The following FLNC variants were observed in gnomAD, a reference collection of about 807,000 sequenced individuals.
FLNC encodes filamin-C.
Under a neutral mutation model 254.3 loss-of-function variants are expected in FLNC, and 91 were observed. That is an observed-to-expected ratio of 0.36 (90% CI 0.30 to 0.43). FLNC has a LOEUF of 0.43. Ranked by LOEUF, FLNC falls within the 20% of genes least tolerant of loss-of-function variation. The pLI, the probability that FLNC is intolerant of heterozygous loss-of-function variation, is 1.00. For synonymous variants in FLNC, 1,430 were observed against 1,577.2 expected (o/e 0.91, Z 2.21); for missense variants, 2,853 against 3,802.6 (o/e 0.75, Z 6.57).
rs1562988859 is a variant in FLNC at position 128,830,734 on chromosome 7, C to T, written c.97C>T (p.Pro33Ser). 1 of 1,613,008 alleles carries T rather than the reference C, an allele frequency of 6.2e-7. No individual in the cohort carries two copies. Among genetic ancestry groups the T allele is most frequent in the Non-Finnish European group, 8.5e-7 (1 of 1,179,980 alleles). ...STEKDLAEDA[P>S]WKKIQQNTFT... ...GGAGAAGGACCTGGCGGAGGACGCG[C>T]CGTGGAAGAAGATCCAGCAGAACAC... The change falls in exon 1 of 48, where the codon CCG becomes TCG. Residue 33 changes from proline (P) to serine (S), a missense_variant. Around this residue, in one of 10 missense-constraint regions of FLNC, gnomAD observed 13 missense variants for 37.8 expected, o/e 0.34. Coordinates refer to ENST00000325888, the MANE Select transcript of FLNC (RefSeq NM_001458.5).
At position 128,844,672 on chromosome 7, in the gene FLNC, C is replaced by T. The variant is rs753825183; in HGVS notation, c.3207C>T (p.Gly1069=). Residue 1069 remains glycine (G), a synonymous_variant, in exon 21 of 48, where the codon GGC becomes GGT. Transcript: ENST00000325888. ...PPDPSKVCAY[G]PGLKGGLVGT... Reference sequence around the variant, plus strand: ...TCTTCCCCTAGGTCTGTGCTTATGGCCCGGGTCTCAAGGGTGGACTGGTAG... The same window carrying T: ...TCTTCCCCTAGGTCTGTGCTTATGGTCCGGGTCTCAAGGGTGGACTGGTAG... 8.1e-6 allele frequency: 13 copies of T among 1,612,376 alleles called. No homozygotes were observed. The highest frequency in any genetic ancestry group is 1.3e-5 in the African/African-American group (1 of 74,922).
rs747802743 is a variant in FLNC at position 128,842,798 on chromosome 7, C to A, written c.2394C>A (p.Asp798Glu). The change falls in exon 16 of 48, where the codon GAC becomes GAA. Residue 798 changes from aspartate (D) to glutamate (E), a missense_variant. Asp to Glu is a conservative substitution (Grantham distance 45, BLOSUM62 2). Transcript: ENST00000325888. This position sits in a 1 kb window ranked among gnomAD's most constrained non-coding sequence, Gnocchi z 5.4. ...TVDCSEAGQG[D>E]VSIGIKCAPG... ...GCAGTGCCCGCTTCTCTGCAGGCGA[C>A]GTGAGCATCGGCATCAAGTGCGCCC... 6.2e-7 allele frequency: 1 copy of A among 1,613,442 alleles called. No homozygotes were observed. The highest frequency in any genetic ancestry group is 1.3e-5 in the African/African-American group (1 of 74,932).
At position 128,858,593 on chromosome 7, in the gene FLNC, ACACAC is replaced by A; in HGVS notation, c.*71_*75del. ...ACACACATTACACACACACACACAC[ACACAC>A]AAATGTGCCACACCCAGACACGCAC... On this transcript the variant is annotated 3_prime_UTR_variant, in exon 48 of 48. Coordinates refer to ENST00000325888, the MANE Select transcript of FLNC (RefSeq NM_001458.5). This position sits in a 1 kb window ranked among gnomAD's most constrained non-coding sequence, Gnocchi z 6.7. 9.0e-7 allele frequency: 1 copy of A among 1,108,128 alleles called. No individual in the cohort carries two copies. The highest frequency in any genetic ancestry group is 1.4e-6 in the Non-Finnish European group (1 of 729,284). 68.6% of individuals were successfully genotyped at this position (1,108,128 alleles called of 1,614,324 possible).
intron 37 of FLNC, 93 bp downstream of exon 37, chr7:128,853,124 T>G: frequency 5.5e-6 from 7 of 1,283,896 alleles, no homozygotes; most frequent in African/African-American, 1.5e-5. Flanking sequence ...CCGCACTCTC[T>G]CCTCCCTGAA....
intron 1 of FLNC, 66 bp downstream of exon 1, chr7:128,831,055 G>A (rs1807868491): frequency 4.7e-6 from 7 of 1,491,012 alleles, no homozygotes; most frequent in Non-Finnish European, 6.4e-6. Flanking sequence ...CAGGGGCACA[G>A]GTGCGGGGTG....
chr7:128,849,121 C>T lies in FLNC; in HGVS notation c.4928-60C>T, dbSNP rs1164875663. On this transcript the variant is annotated intron_variant, in intron 28 of 47. Coordinates refer to ENST00000325888, the MANE Select transcript of FLNC (RefSeq NM_001458.5). ...CCCTGGCCCCTCCCTCCCTCACCCC[C>T]GCCCAATGCCCCAGCCCACGTTGAG... 13 of 1,587,404 alleles carry T rather than the reference C, an allele frequency of 8.2e-6. 1 individual carries two copies. In the South Asian group the frequency reaches 1.0e-4, roughly 12 times the overall value.
rs1356663455 is a variant in FLNC, at chr7:128,841,686, C to T, written c.2121+119C>T. ...AATGACAGCATCACAGAAGATCAGG[C>T]AGGACTGATACTCATGGGCCCATCA... On this transcript the variant is annotated intron_variant, in intron 13 of 47. Coordinates refer to ENST00000325888, the MANE Select transcript of FLNC (RefSeq NM_001458.5). This position sits in a 1 kb window ranked among gnomAD's most constrained non-coding sequence, Gnocchi z 4.3. 1.3e-5 allele frequency: 10 copies of T among 792,068 alleles called. No homozygotes were observed. The African/African-American group carries it at 1.7e-4, about 13-fold the overall frequency. 49.1% of individuals were successfully genotyped at this position (792,068 alleles called of 1,614,324 possible).
In FLNC at chr7:128,846,362, G is replaced by C. The variant is rs761944212; in HGVS notation, c.4026G>C (p.Val1342=). ...CTGTGCCCAAGAGCCCCTTCCGAGT[G>C]GGCGTGACCGAGGGCTGTGATCCCA... ...EVAVPKSPFR[V]GVTEGCDPTR... The change falls in exon 23 of 48, where the codon GTG becomes GTC. Residue 1342 remains valine (V), a synonymous_variant. Transcript: ENST00000325888. 2.5e-6 allele frequency: 4 copies of C among 1,613,264 alleles called. No individual in the cohort carries two copies. The highest frequency in any genetic ancestry group is 2.5e-6 in the Non-Finnish European group (3 of 1,180,018).
intron 1 of FLNC, among the ~76,000 whole-genome samples, chr7:128,833,684 T>TA (rs1359718382): frequency 6.6e-6 from 1 of 152,168 alleles, no homozygotes; most frequent in Non-Finnish European, 1.5e-5. Flanking sequence ...TTGCAAGAAG[T>TA]ACTTCTGGGC....
intron 26 of FLNC, among the ~76,000 whole-genome samples, 185 bp from the exon 27 acceptor site, chr7:128,848,376 T>A (rs985658331): frequency 4.0e-5 from 6 of 151,686 alleles, no homozygotes; most frequent in East Asian, 1.9e-4. Flanking sequence ...GTCGAGGGAG[T>A]CCCAGAGTGC....
Position 128,842,613 on chromosome 7 carries a change from G to T in FLNC, c.2304G>T (p.Lys768Asn). The T allele has an allele frequency of 6.5e-7, 1 of 1,550,250 alleles. No individual in the cohort carries two copies. Among genetic ancestry groups the T allele is most frequent in the Non-Finnish European group, 8.7e-7 (1 of 1,147,086 alleles). Residue 768 changes from lysine (K) to asparagine (N), a missense_variant, in exon 15 of 48, where the codon AAG becomes AAT. Physicochemically the swap from Lys to Asn is moderately conservative, Grantham distance 94. Around this residue, in one of 10 missense-constraint regions of FLNC, gnomAD observed 1,573 missense variants for 1,883.5 expected, o/e 0.84. Coordinates refer to ENST00000325888, the MANE Select transcript of FLNC (RefSeq NM_001458.5). This position sits in a 1 kb window ranked among gnomAD's most constrained non-coding sequence, Gnocchi z 5.4. Reference sequence around the variant, plus strand: ...AGGGCAGCCACCCCGAGCGGGTAAAGGTGTACGGCCCCGGAGTGGAGAAGA... The same window carrying T: ...AGGGCAGCCACCCCGAGCGGGTAAATGTGTACGGCCCCGGAGTGGAGAAGA... Reference protein sequence around the residue: ...VGEGSHPERVKVYGPGVEKTG... With the variant: ...VGEGSHPERVNVYGPGVEKTG...
At position 128,843,859 on chromosome 7, in the gene FLNC, A is replaced by C. The variant is rs1808443532; in HGVS notation, c.2875A>C (p.Asn959His). The C allele has an allele frequency of 6.2e-7, 1 of 1,613,750 alleles. No homozygotes were observed. The highest frequency in any genetic ancestry group is 1.3e-5 in the African/African-American group (1 of 74,904). Reference protein sequence around the residue: ...DPVPKSPFVVNVAPPLDLSKI... With the variant: ...DPVPKSPFVVHVAPPLDLSKI... ...TGTCCCCAAGAGCCCCTTTGTGGTG[A>C]ATGTGGCACCCCCGCTGGACCTCAG... The change falls in exon 19 of 48, where the codon AAT (asparagine) becomes CAT (histidine). Residue 959 changes from asparagine (N) to histidine (H), a missense_variant. Coordinates refer to ENST00000325888, the MANE Select transcript of FLNC (RefSeq NM_001458.5).
At chr7:128,831,161 G>A (rs1807876087) in intron 1 of FLNC, among the ~76,000 whole-genome samples, 172 bp downstream of exon 1, 1 of 152,260 alleles carries the variant, frequency 6.6e-6, no homozygotes, top group East Asian at 1.9e-4. Context: ...AAGGGCCATG[G>A]GCACTGCCTG....
At position 128,857,891 on chromosome 7, in the gene FLNC, G is replaced by T. The variant is rs2639141; in HGVS notation, c.7781-117G>T. ...GGCCCTTGGAGGAATTTGAGGGGGA[G>T]CCTCAAATGCAGGCAGTGAGTCCCA... On this transcript the variant is annotated intron_variant, in intron 46 of 47. Coordinates refer to ENST00000325888, the MANE Select transcript of FLNC (RefSeq NM_001458.5). The surrounding 1 kb of genome is among the most constrained non-coding windows in gnomAD (Gnocchi z 4.5). The T allele has an allele frequency of 1.3e-6, 1 of 766,438 alleles. No homozygotes were observed. The highest frequency in any genetic ancestry group is 2.3e-6 in the Non-Finnish European group (1 of 439,014). The allele number at this position is 766,438 out of a possible 1,614,324, so 47.5% of individuals were successfully genotyped here.
chr7:128,840,736 ACT>A lies in FLNC; in HGVS notation c.1676+63_1676+64del, dbSNP rs879329470. The stretch of plus-strand genomic sequence containing the variant: ...GCCATCACAGGGAGGGACGAGGGGC[ACT>A]GGGCTGCGAGGGAGTTTGAGGGGAG... On this transcript the variant is annotated intron_variant, in intron 10 of 47. Coordinates refer to ENST00000325888, the MANE Select transcript of FLNC (RefSeq NM_001458.5). The A allele has an allele frequency of 0.034, 55,501 of 1,613,860 alleles. 1,155 individuals carry two copies. The highest frequency in any genetic ancestry group is 0.037 in the Non-Finnish European group (43,217 of 1,179,898).
chr7:128,853,298 C>A, intron 37 of FLNC, 171 bp from the exon 38 acceptor site: 1 of 823,224 alleles, frequency 1.2e-6, no homozygotes, highest in Non-Finnish European at 1.9e-6. Context: ...AGGGAATTTT[C>A]CAGACCGCCT....
intron 9 of FLNC, 88 bp downstream of exon 9, chr7:128,840,248 G>T: frequency 6.6e-7 from 1 of 1,509,970 alleles, no homozygotes; most frequent in South Asian, 1.1e-5. Context: ...AGAGGGCAGT[G>T]ACAGCCAGCA....
intron 43 of FLNC, among the ~76,000 whole-genome samples, 184 bp downstream of exon 43, chr7:128,855,498 C>T (rs541746750): frequency 6.6e-6 from 1 of 152,322 alleles, no homozygotes; most frequent in African/African-American, 2.4e-5. Context: ...GGGGCTTGCC[C>T]GTGCACTCAG....
At chr7:128,855,367 G>C in intron 43 of FLNC, 53 bp downstream of exon 43, 1 of 1,188,682 alleles carries the variant, frequency 8.4e-7, no homozygotes, top group Non-Finnish European at 1.3e-6. Flanking sequence ...AGATGGGCAG[G>C]AGTTGAGGAC....
Sources: allele counts gnomAD v4.1 joint callset (sites outside exome capture counted in the v4.1 genomes callset), GRCh38; gene constraint gnomAD v4.1.1; regional missense constraint gnomAD v4.1.1; non-coding constraint Gnocchi (gnomAD v3.1); transcripts MANE v1.5; gene names NCBI Gene and HGNC (gene_info 2026-07-23, HGNC 2026-07-21).